Variants in STK32B observed in about 807,000 individuals in gnomAD.
STK32B encodes serine/threonine-protein kinase 32B.
Under a neutral mutation model 52.6 loss-of-function variants are expected in STK32B, and 43 were observed. That is an observed-to-expected ratio of 0.82 (90% CI 0.64 to 1.05). The LOEUF is 1.05. Ranked by LOEUF, STK32B falls within the 50% of genes least tolerant of loss-of-function variation. STK32B has a pLI of 0.00. For synonymous variants in STK32B, 238 were observed against 204.3 expected (o/e 1.17, Z -1.41); for missense variants, 621 against 534.6 (o/e 1.16, Z -1.59).
intron 2 of STK32B, among the ~76,000 whole-genome samples, chr4:5,148,863 T>C (rs1310087788): frequency 1.3e-5 from 2 of 151,866 alleles, no homozygotes; most frequent in Non-Finnish European, 3.0e-5. Flanking sequence ...CTTCTTCCTT[T>C]AAGTCTGTCA....
chr4:5,382,713 T>A (rs1251042356), intron 4 of STK32B, among the ~76,000 whole-genome samples: 1 of 152,226 alleles, frequency 6.6e-6, no homozygotes, highest in Admixed American at 6.5e-5. Flanking sequence ...ATTTGGAAAT[T>A]GATCATGTTT....
intron 5 of STK32B, among the ~76,000 whole-genome samples, chr4:5,407,501 A>C (rs1020735040): frequency 1.3e-5 from 2 of 152,132 alleles, no homozygotes; most frequent in Non-Finnish European, 2.9e-5. Flanking sequence ...GAACTACCTG[A>C]GACTAGGTAA....
At chr4:5,119,653 G>A (rs916409746) in intron 1 of STK32B, among the ~76,000 whole-genome samples, 1 of 152,162 alleles carries the variant, frequency 6.6e-6, no homozygotes, top group Non-Finnish European at 1.5e-5. Flanking sequence ...GGTGCAAAAC[G>A]TTTTGCTTTT....
At chr4:5,049,137 T>C (rs929189918), upstream of STK32B, among the ~76,000 whole-genome samples, 1 of 152,126 alleles carries the variant, frequency 6.6e-6, no homozygotes, top group African/African-American at 2.4e-5. Context: ...TCCAACCCGG[T>C]TGATTCCTTG....
chr4:5,284,442 A>G (rs2108874927), intron 3 of STK32B, among the ~76,000 whole-genome samples: 1 of 152,282 alleles, frequency 6.6e-6, no homozygotes, highest in East Asian at 1.9e-4. Flanking sequence ...AAGGAGTGAT[A>G]TAGTAAAACT....
chr4:5,129,275 TG>T (rs1187432526), intron 1 of STK32B, among the ~76,000 whole-genome samples: 1 of 152,222 alleles, frequency 6.6e-6, no homozygotes, highest in Non-Finnish European at 1.5e-5. Flanking sequence ...GTTCTTGCCC[TG>T]CTCACTGAAT....
chr4:5,168,477 T>A (rs1719066062), intron 3 of STK32B, 27 bp downstream of exon 3: 1 of 1,598,510 alleles, frequency 6.3e-7, no homozygotes, highest in African/African-American at 1.3e-5. Context: ...CCAGGGCTCC[T>A]GTGGGTTCCC....
At chr4:5,069,428 G>A (rs1711618672) in intron 1 of STK32B, among the ~76,000 whole-genome samples, 1 of 152,122 alleles carries the variant, frequency 6.6e-6, no homozygotes, top group Non-Finnish European at 1.5e-5. Flanking sequence ...TATGGGCCTT[G>A]TGCTTATGTA....
At chr4:5,197,492 G>A (rs1721777611) in intron 3 of STK32B, among the ~76,000 whole-genome samples, 1 of 152,104 alleles carries the variant, frequency 6.6e-6, no homozygotes, top group South Asian at 2.1e-4. Context: ...GTTTTTTTCA[G>A]AGCATATGTC....
chr4:5,127,822 C>T (rs754514390), intron 1 of STK32B, among the ~76,000 whole-genome samples: 2 of 152,004 alleles, frequency 1.3e-5, no homozygotes, highest in Non-Finnish European at 2.9e-5. Flanking sequence ...GTAGGGACCT[C>T]GTGGGAGGTA....
At chr4:5,149,852 G>A (rs1057084658) in intron 2 of STK32B, among the ~76,000 whole-genome samples, 9 of 151,706 alleles carry the variant, frequency 5.9e-5, no homozygotes, top group Admixed American at 2.6e-4. Context: ...TTTCTCTCTG[G>A]TATCATTTCC....
intron 3 of STK32B, among the ~76,000 whole-genome samples, chr4:5,234,230 T>C (rs1724470354): frequency 6.6e-6 from 1 of 152,242 alleles, no homozygotes; most frequent in Non-Finnish European, 1.5e-5. Context: ...AACTAGCTTA[T>C]GTACAAGTTA....
At chr4:5,167,639 C>A (rs796470603) in intron 2 of STK32B, among the ~76,000 whole-genome samples, 2 of 152,332 alleles carry the variant, frequency 1.3e-5, no homozygotes, top group Admixed American at 6.5e-5. Flanking sequence ...GGCAAACTTA[C>A]AAACTCCGGG....
At chr4:5,193,222 T>C (rs1165130043) in intron 3 of STK32B, among the ~76,000 whole-genome samples, 1 of 152,074 alleles carries the variant, frequency 6.6e-6, no homozygotes. Flanking sequence ...TGGAATCCGC[T>C]CTCAGCTTGT....
chr4:5,328,583 G>T lies in STK32B; in HGVS notation c.261-2637G>T, dbSNP rs71597752. On this transcript the variant is annotated intron_variant, in intron 3 of 11. Transcript: ENST00000282908. ...ATGAAGCTTTGGGTGCTATATGGATGCCATTTGAGGAGCTTCAAAGCAATT... is the reference window on the plus strand; with the variant it reads ...ATGAAGCTTTGGGTGCTATATGGATTCCATTTGAGGAGCTTCAAAGCAATT... Among the ~76,000 whole-genome samples the T allele has an allele frequency of 6.3e-3, 954 of 152,294 alleles. 3 individuals are homozygous for T. Among genetic ancestry groups the T allele is most frequent in the Non-Finnish European group, 0.011 (737 of 68,022 alleles).
chr4:5,234,052 AGCTGACCT>A (rs1577223778), intron 3 of STK32B, among the ~76,000 whole-genome samples: 1 of 152,048 alleles, frequency 6.6e-6, no homozygotes, highest in East Asian at 1.9e-4. Context: ...GACCTGACTT[AGCTGACCT>A]CATGTGATCT....
chr4:5,255,760 G>A (rs1401855199), intron 3 of STK32B, among the ~76,000 whole-genome samples: 1 of 152,142 alleles, frequency 6.6e-6, no homozygotes, highest in African/African-American at 2.4e-5. Context: ...TTGTATATAA[G>A]TTTAATCTTT....
In STK32B at chr4:5,132,398, G is replaced by A. The variant is rs1010157935; in HGVS notation, c.53-7507G>A. Among the ~76,000 whole-genome samples, 4 of 152,082 alleles carry A rather than the reference G, an allele frequency of 2.6e-5. No homozygotes were observed. The South Asian group carries it at 6.2e-4, about 24-fold the overall frequency. ...TATTAGGAACTATGCTTACTACCTGGGTGATGACATAATCTATACACCAAT... is the reference window on the plus strand; with the variant it reads ...TATTAGGAACTATGCTTACTACCTGAGTGATGACATAATCTATACACCAAT... On this transcript the variant is annotated intron_variant, in intron 1 of 11. Coordinates refer to ENST00000282908, the MANE Select transcript of STK32B (RefSeq NM_018401.3).
At position 5,344,297 on chromosome 4, in the gene STK32B, T is replaced by C. The variant is rs6817099; in HGVS notation, c.434+12904T>C. The stretch of plus-strand genomic sequence containing the variant: ...CTTTTTTGATTAAAATTTTTACCAG[T>C]AGCATTACCTACATGAAATTGTATC... On this transcript the variant is annotated intron_variant, in intron 4 of 11. Coordinates refer to ENST00000282908, the MANE Select transcript of STK32B (RefSeq NM_018401.3). Among the ~76,000 whole-genome samples the C allele has an allele frequency of 4.4e-3, 670 of 152,354 alleles. 4 individuals are homozygous for C. The highest frequency in any genetic ancestry group is 0.015 in the African/African-American group (643 of 41,582).
Sources: allele counts gnomAD v4.1 joint callset (sites outside exome capture counted in the v4.1 genomes callset), GRCh38; gene constraint gnomAD v4.1.1; transcripts MANE v1.5; gene names NCBI Gene and HGNC (gene_info 2026-07-23, HGNC 2026-07-21).